The following EMB variants were observed in gnomAD, a reference collection of about 807,000 sequenced individuals.
EMB encodes the protein embigin homolog.
Under a neutral mutation model 41.4 loss-of-function variants are expected in EMB, and 31 were observed. The ratio of observed to expected loss-of-function variants is 0.75; its 90% CI spans 0.56 to 1.01. The LOEUF is 1.01. Ranked by LOEUF, EMB falls within the 50% of genes least tolerant of loss-of-function variation. The pLI, the probability that EMB is intolerant of heterozygous loss-of-function variation, is 0.00. For synonymous variants in EMB, 137 were observed against 140.4 expected, an observed-to-expected ratio of 0.98 and a Z score of 0.17; for missense variants, 379 against 388.3, an observed-to-expected ratio of 0.98 and a Z score of 0.20.
intron 6 of EMB, 123 bp from the exon 7 acceptor site, chr5:50,402,442 A>G (rs911835313): frequency 9.3e-5 from 82 of 877,184 alleles, no homozygotes; most frequent in Non-Finnish European, 1.5e-4. Context: ...TTTGGAATGA[A>G]GGAGAGACAT....
intron 1 of EMB, among the ~76,000 whole-genome samples, chr5:50,435,309 G>T (rs982395922): frequency 1.3e-5 from 2 of 151,968 alleles, no homozygotes; most frequent in African/African-American, 4.8e-5. Context: ...TTAAAATCAA[G>T]AAATGAATAT....
At chr5:50,434,031 T>TATAA (rs1745765015) in intron 1 of EMB, among the ~76,000 whole-genome samples, 1 of 152,192 alleles carries the variant, frequency 6.6e-6, no homozygotes, top group African/African-American at 2.4e-5. Flanking sequence ...GACCAGTCAT[T>TATAA]AGGTTTAGGG....
intron 1 of EMB, 178 bp from the exon 2 acceptor site, chr5:50,428,405 GA>G (rs757271865): frequency 3.1e-4 from 377 of 1,206,050 alleles, no homozygotes; most frequent in South Asian, 4.6e-4. Flanking sequence ...TATTAAATGT[GA>G]AAAAAATTCT....
At position 50,428,317 on chromosome 5, in the gene EMB, G is replaced by T. The variant is rs1272861461; in HGVS notation, c.113-90C>A. On this transcript the variant is annotated intron_variant, in intron 1 of 8. Transcript: ENST00000303221. ...TTTGAAACAGCTAAAACACTGTTGT[G>T]AACTATTAATGAAAAACTGTGTTTT... 3.1e-6 allele frequency: 4 copies of T among 1,274,520 alleles called. No homozygotes were observed. The African/African-American group carries it at 4.5e-5, about 14-fold the overall frequency. The allele number at this position is 1,274,520 out of a possible 1,614,324, so 79.0% of individuals were successfully genotyped here.
intron 3 of EMB, 92 bp from the exon 4 acceptor site, chr5:50,411,057 G>C (rs1301021329): frequency 2.5e-6 from 3 of 1,212,852 alleles, no homozygotes; most frequent in Non-Finnish European, 3.4e-6. Flanking sequence ...TTTAAAAAGA[G>C]AAATAATTCT....
At chr5:50,405,287 A>G (rs1217403253) in intron 5 of EMB, among the ~76,000 whole-genome samples, 1 of 151,910 alleles carries the variant, frequency 6.6e-6, no homozygotes, top group Non-Finnish European at 1.5e-5. Flanking sequence ...ATTTTCTCAA[A>G]TAGTGCCACT....
chr5:50,399,605 G>A (rs1745126931), intron 8 of EMB, among the ~76,000 whole-genome samples: 1 of 151,934 alleles, frequency 6.6e-6, no homozygotes, highest in Non-Finnish European at 1.5e-5. Flanking sequence ...AGTCCGTGGT[G>A]ATAAAATAAA....
chr5:50,437,674 T>TGTCA (rs58398850), intron 1 of EMB, among the ~76,000 whole-genome samples: 58,935 of 150,914 alleles, frequency 0.39, 11,844 homozygotes, highest in African/African-American at 0.5. Flanking sequence ...GGACTAACAA[T>TGTCA]GTCAGACATA....
At chr5:50,426,219 C>T (rs1382555303) in intron 2 of EMB, among the ~76,000 whole-genome samples, 3 of 152,168 alleles carry the variant, frequency 2.0e-5, no homozygotes, top group African/African-American at 7.2e-5. Flanking sequence ...CATTGAAAAC[C>T]ATAAGCTCCA....
chr5:50,404,844 A>C (rs1745222919), intron 5 of EMB, among the ~76,000 whole-genome samples: 1 of 151,982 alleles, frequency 6.6e-6, no homozygotes, highest in Non-Finnish European at 1.5e-5. Flanking sequence ...CTGTTAGCAC[A>C]GAATAAGTCA....
In EMB at chr5:50,397,911, G is replaced by T. The variant is rs943752664; in HGVS notation, c.*1362C>A. 3.9e-5 allele frequency: 6 copies of T among 151,902 alleles called. No individual in the cohort carries two copies. Among genetic ancestry groups the T allele is most frequent in the African/African-American group, 9.7e-5 (4 of 41,360 alleles). The allele number at this position is 151,902 out of a possible 1,614,324, so 9.4% of individuals were successfully genotyped here. A position where few individuals can be genotyped will look rare whatever the true frequency, so the allele number is the denominator to read the frequency against. ...TACCTTATGTGTATTATTCATACTA[G>T]TAATATTGGTAAACATTAGTGATAC... On this transcript the variant is annotated 3_prime_UTR_variant, in exon 9 of 9. Coordinates refer to ENST00000303221, the MANE Select transcript of EMB (RefSeq NM_198449.3).
chr5:50,440,170 G>C (rs1745874309), intron 1 of EMB, among the ~76,000 whole-genome samples: 1 of 152,038 alleles, frequency 6.6e-6, no homozygotes. Context: ...ATACACACAC[G>C]TTATCCTGTA....
At chr5:50,399,769 A>C in intron 8 of EMB, 90 bp downstream of exon 8, 1 of 1,011,930 alleles carries the variant, frequency 9.9e-7, no homozygotes. Context: ...CAGATCTTTT[A>C]TGGAACTAAA....
intron 2 of EMB, among the ~76,000 whole-genome samples, chr5:50,415,347 C>T (rs1425405383): frequency 1.3e-5 from 2 of 152,082 alleles, no homozygotes; most frequent in African/African-American, 4.8e-5. Context: ...GATTCTATAC[C>T]TTGCATGTGC....
At chr5:50,423,491 AGTATTTTCTATAAT>A (rs1222238833) in intron 2 of EMB, among the ~76,000 whole-genome samples, 4 of 152,164 alleles carry the variant, frequency 2.6e-5, no homozygotes, top group African/African-American at 9.7e-5. Context: ...TTCTCTACCT[AGTATTTTCTATAAT>A]CTGAAGCTCT....
intron 6 of EMB, 134 bp from the exon 7 acceptor site, chr5:50,402,453 G>A (rs1745179615): frequency 1.3e-6 from 1 of 796,896 alleles, no homozygotes; most frequent in South Asian, 1.5e-5. Flanking sequence ...GGAGAGACAT[G>A]CTACCTTAAA....
chr5:50,424,364 C>T (rs1190697804), intron 2 of EMB, among the ~76,000 whole-genome samples: 1 of 152,090 alleles, frequency 6.6e-6, no homozygotes, highest in Non-Finnish European at 1.5e-5. Flanking sequence ...ACAGTAAATA[C>T]ATATCAGAGA....
intron 2 of EMB, chr5:50,411,977 C>G (rs1745345840): frequency 6.6e-6 from 1 of 152,028 alleles, no homozygotes; most frequent in African/African-American, 2.4e-5. Flanking sequence ...GACTGAATTT[C>G]AATATCAGTA....
At chr5:50,438,135 T>C (rs1225441081) in intron 1 of EMB, among the ~76,000 whole-genome samples, 1 of 152,202 alleles carries the variant, frequency 6.6e-6, no homozygotes, top group Non-Finnish European at 1.5e-5. Context: ...GGATATTGTG[T>C]TTAAGCACTG....
Sources: allele counts gnomAD v4.1 joint callset (sites outside exome capture counted in the v4.1 genomes callset), GRCh38; gene constraint gnomAD v4.1.1; transcripts MANE v1.5; gene names NCBI Gene and HGNC (gene_info 2026-07-23, HGNC 2026-07-21).